Variants in RIN3 observed in about 807,000 individuals in gnomAD.
RIN3 encodes the protein RAB5 interacting protein 3.
Under a neutral mutation model 76.3 loss-of-function variants are expected in RIN3, and 54 were observed. The ratio of observed to expected loss-of-function variants is 0.71; its 90% CI spans 0.57 to 0.89. RIN3 has a LOEUF of 0.89. Ranked by LOEUF, RIN3 falls within the 40% of genes least tolerant of loss-of-function variation. The pLI, the probability that RIN3 is intolerant of heterozygous loss-of-function variation, is 0.00. For missense variants in RIN3, 1,256 were observed against 1,322.1 expected, an observed-to-expected ratio of 0.95 and a Z score of 0.78; for synonymous variants, 576 against 564.0, an observed-to-expected ratio of 1.02 and a Z score of -0.30.
chr14:92,608,045 G>C (rs1415740544), intron 3 of RIN3, among the ~76,000 whole-genome samples: 1 of 152,258 alleles, frequency 6.6e-6, no homozygotes, highest in African/African-American at 2.4e-5. Flanking sequence ...TGAAGGGATA[G>C]CACAAGGGAG....
chr14:92,668,083 T>C (rs545003958), intron 7 of RIN3, among the ~76,000 whole-genome samples: 10 of 152,338 alleles, frequency 6.6e-5, no homozygotes, highest in African/African-American at 2.4e-4. Context: ...ATCTGTCTTG[T>C]CATGTCATCC....
At position 92,685,026 on chromosome 14, in the gene RIN3, A is replaced by G; in HGVS notation, c.2507A>G (p.His836Arg). 6.2e-7 allele frequency: 1 copy of G among 1,613,974 alleles called. No homozygotes were observed. The highest frequency in any genetic ancestry group is 8.5e-7 in the Non-Finnish European group (1 of 1,179,916). The change falls in exon 9 of 10, where the codon CAC becomes CGC. Residue 836 changes from histidine (H) to arginine (R), a missense_variant. Coordinates refer to ENST00000216487, the MANE Select transcript of RIN3 (RefSeq NM_024832.5). This position sits in a 1 kb window ranked among gnomAD's most constrained non-coding sequence, Gnocchi z 4.7. ...YLTTTYGALE[H>R]IKSYDKITVT... ...ACCACCACCTACGGGGCCCTGGAGC[A>G]CATCAAGAGCTACGACAAGATCACG...
chr14:92,514,473 C>T lies in RIN3; in HGVS notation c.44+497C>T, dbSNP rs964077197. Among the ~76,000 whole-genome samples the T allele has an allele frequency of 6.6e-6, 1 of 152,234 alleles. No homozygotes were observed. ...CCCGGACCCCCGCAACTTTGGGTGC[C>T]CGCGGCCCAACAGCTGACCGGCCCT... On this transcript the variant is annotated intron_variant, in intron 1 of 9. Coordinates refer to ENST00000216487, the MANE Select transcript of RIN3 (RefSeq NM_024832.5). This position sits in a 1 kb window ranked among gnomAD's most constrained non-coding sequence, Gnocchi z 7.2.
chr14:92,656,359 G>T lies in RIN3; in HGVS notation c.2027-2802G>T, dbSNP rs1595489577. ...CCCAGAGGTGATGGAGCCCCTGAAG[G>T]GTGTGTGTGGAGGGCAGAGGAGAGG... is the stretch of plus-strand genomic sequence containing the variant. On this transcript the variant is annotated intron_variant, in intron 6 of 9. Transcript: ENST00000216487. This position sits in a 1 kb window ranked among gnomAD's most constrained non-coding sequence, Gnocchi z 5.2. Among the ~76,000 whole-genome samples, 1 of 152,308 alleles carries T rather than the reference G, an allele frequency of 6.6e-6. No individual in the cohort carries two copies. The highest frequency in any genetic ancestry group is 6.5e-5 in the Admixed American group (1 of 15,292).
intron 1 of RIN3, among the ~76,000 whole-genome samples, chr14:92,518,481 G>A (rs1896504563): frequency 3.9e-5 from 6 of 152,160 alleles, no homozygotes; most frequent in African/African-American, 1.2e-4. Context: ...ACTCCATTCC[G>A]CAGCAGCTGG....
Position 92,652,852 on chromosome 14 carries a change from G to A in RIN3, c.1803G>A (p.Leu601=). 5.6e-6 allele frequency: 9 copies of A among 1,614,130 alleles called. No individual in the cohort carries two copies. Among genetic ancestry groups the A allele is most frequent in the Non-Finnish European group, 7.6e-6 (9 of 1,180,054 alleles). Residue 601 remains leucine, a synonymous_variant, in exon 6 of 10, where the codon CTG becomes CTA. Transcript: ENST00000216487. This position sits in a 1 kb window ranked among gnomAD's most constrained non-coding sequence, Gnocchi z 6.4. ...FHAFLSNNRK[L]YKKVVELAQD... ...CTTTCCTCTCCAACAACCGCAAGCT[G>A]TACAAGAAGGTGGTGGAGCTGGCGC...
intron 5 of RIN3, among the ~76,000 whole-genome samples, chr14:92,651,328 A>G (rs1887410200): frequency 6.6e-6 from 1 of 152,050 alleles, no homozygotes; most frequent in South Asian, 2.1e-4. Context: ...ACTGAAGCTG[A>G]GCTTATCACA....
chr14:92,572,394 GCA>G (rs1438647291), intron 2 of RIN3, among the ~76,000 whole-genome samples: 1 of 152,242 alleles, frequency 6.6e-6, no homozygotes, highest in African/African-American at 2.4e-5. Context: ...GAGCCCACGG[GCA>G]CAGTTTGTGA....
At chr14:92,584,114 C>T (rs962424504) in intron 3 of RIN3, among the ~76,000 whole-genome samples, 4 of 152,158 alleles carry the variant, frequency 2.6e-5, no homozygotes, top group Non-Finnish European at 5.9e-5. Flanking sequence ...TATGCCATTT[C>T]ATATCAAGGA....
rs531614522 is a variant in RIN3, at chr14:92,595,033, T to G, written c.367+17556T>G. ...CTAAAATCTGACAGAAATCCAAGAATGAGCTGCATACTGCTGCATTCATTG... is the reference window on the plus strand; with the variant it reads ...CTAAAATCTGACAGAAATCCAAGAAGGAGCTGCATACTGCTGCATTCATTG... On this transcript the variant is annotated intron_variant, in intron 3 of 9. Coordinates refer to ENST00000216487, the MANE Select transcript of RIN3 (RefSeq NM_024832.5). Among the ~76,000 whole-genome samples the G allele has an allele frequency of 7.7e-4, 117 of 152,354 alleles. 1 individual carries two copies. In the South Asian group the frequency reaches 0.024, roughly 31 times the overall value.
chr14:92,647,085 C>A (rs1019731628), intron 5 of RIN3, among the ~76,000 whole-genome samples: 2 of 152,142 alleles, frequency 1.3e-5, no homozygotes, highest in Admixed American at 1.3e-4. Context: ...GTTTGGCATG[C>A]CACTCATTTT....
intron 7 of RIN3, among the ~76,000 whole-genome samples, chr14:92,674,664 G>A (rs776481949): frequency 2.7e-4 from 41 of 151,838 alleles, no homozygotes; most frequent in African/African-American, 7.7e-4. Context: ...TGAGACGGGC[G>A]GATCACTTGA....
chr14:92,684,302 C>T (rs1385785496), intron 8 of RIN3, among the ~76,000 whole-genome samples: 2 of 146,002 alleles, frequency 1.4e-5, no homozygotes, highest in African/African-American at 5.1e-5. Flanking sequence ...ATCGCTTGAA[C>T]GTGGGAGGTG....
intron 3 of RIN3, among the ~76,000 whole-genome samples, chr14:92,605,102 T>C (rs1885480858): frequency 6.6e-6 from 1 of 151,844 alleles, no homozygotes; most frequent in Admixed American, 6.6e-5. Context: ...GTAGAGATGG[T>C]GTTTCACCAT....
In RIN3 at chr14:92,682,547, T is replaced by C. The variant is rs187105634; in HGVS notation, c.2468-2440T>C. On this transcript the variant is annotated intron_variant, in intron 8 of 9. Coordinates refer to ENST00000216487, the MANE Select transcript of RIN3 (RefSeq NM_024832.5). ...CATGTGGGGCCTTTGGCTTTGTGTCTGTCACCTGTGATCAGAAGACAGCTG... is the reference window on the plus strand; with the variant it reads ...CATGTGGGGCCTTTGGCTTTGTGTCCGTCACCTGTGATCAGAAGACAGCTG... 1.7e-4 allele frequency among the ~76,000 whole-genome samples: 26 copies of C among 152,322 alleles called. 1 individual carries two copies. In the East Asian group the frequency reaches 4.4e-3, roughly 26 times the overall value.
At chr14:92,544,879 T>C (rs1405239132) in intron 1 of RIN3, among the ~76,000 whole-genome samples, 1 of 152,128 alleles carries the variant, frequency 6.6e-6, no homozygotes, top group African/African-American at 2.4e-5. Context: ...TGAAACCTCC[T>C]TCGCACCCCT....
chr14:92,584,615 G>T (rs988325920), intron 3 of RIN3, among the ~76,000 whole-genome samples: 2 of 152,178 alleles, frequency 1.3e-5, no homozygotes, highest in Non-Finnish European at 2.9e-5. Context: ...GATGTGTGTG[G>T]AGAGAGAGGG....
chr14:92,642,894 A>G (rs1887069505), intron 5 of RIN3, among the ~76,000 whole-genome samples: 1 of 152,184 alleles, frequency 6.6e-6, no homozygotes, highest in Admixed American at 6.5e-5. Context: ...AGCTTCAAAC[A>G]ATCCTATAAA....
chr14:92,588,186 G>A (rs978593549), intron 3 of RIN3, among the ~76,000 whole-genome samples: 3 of 145,114 alleles, frequency 2.1e-5, no homozygotes, highest in Admixed American at 6.9e-5. Context: ...CGTGAATTTC[G>A]GAGGGGACCC....
Sources: allele counts gnomAD v4.1 joint callset (sites outside exome capture counted in the v4.1 genomes callset), GRCh38; gene constraint gnomAD v4.1.1; non-coding constraint Gnocchi (gnomAD v3.1); transcripts MANE v1.5; gene names NCBI Gene and HGNC (gene_info 2026-07-23, HGNC 2026-07-21).